Variants in TUB observed in about 807,000 individuals in gnomAD.
The protein encoded by TUB is tubby protein homolog.
TUB carries 33 observed loss-of-function variants against 59.7 expected under a neutral mutation model. The ratio of observed to expected loss-of-function variants is 0.55; its 90% CI spans 0.42 to 0.74. TUB has a LOEUF of 0.74. TUB is among the 30% of genes least tolerant of loss of function. The probability of loss-of-function intolerance (pLI) is 0.00; values close to 1 mark genes in which losing one functional copy is unlikely to be tolerated. For synonymous variants in TUB, 293 were observed against 256.4 expected, an observed-to-expected ratio of 1.14 and a Z score of -1.36; for missense variants, 659 against 672.0, an observed-to-expected ratio of 0.98 and a Z score of 0.21.
At chr11:8,089,805 C>A in intron 2 of TUB, 144 bp downstream of exon 2, 1 of 1,211,526 alleles carries the variant, frequency 8.3e-7, no homozygotes. Flanking sequence ...GGTGCACTCT[C>A]TCCCAGCTCA....
At chr11:8,052,569 A>G (rs188142963) in intron 2 of TUB, among the ~76,000 whole-genome samples, 359 of 141,248 alleles carry the variant, frequency 2.5e-3, no homozygotes, top group African/African-American at 8.5e-3. Flanking sequence ...TCCTGGGTTC[A>G]TGCCATTCTC....
chr11:8,075,993 T>C (rs1943442529), intron 2 of TUB: 1 of 152,222 alleles, frequency 6.6e-6, no homozygotes, highest in South Asian at 2.1e-4. Flanking sequence ...AGTCTCACCC[T>C]GCACCTCCCT....
At chr11:8,099,228 G>T (rs553290591) in intron 9 of TUB, among the ~76,000 whole-genome samples, 179 of 152,174 alleles carry the variant, frequency 1.2e-3, no homozygotes, top group African/African-American at 4.2e-3. Flanking sequence ...TGGATTACAC[G>T]GCACTTTGTC....
At chr11:8,072,149 G>A (rs1460061862) in intron 2 of TUB, among the ~76,000 whole-genome samples, 2 of 152,198 alleles carry the variant, frequency 1.3e-5, no homozygotes, top group Non-Finnish European at 2.9e-5. Flanking sequence ...ACACAGTGAT[G>A]CAAAGGACGC....
At chr11:8,075,076 T>C (rs1238479836) in intron 2 of TUB, among the ~76,000 whole-genome samples, 1 of 150,464 alleles carries the variant, frequency 6.6e-6, no homozygotes, top group Non-Finnish European at 1.5e-5. Flanking sequence ...AAATTCCCCA[T>C]AAAGGATGCT....
chr11:8,098,768 A>G lies in TUB; in HGVS notation c.1009A>G (p.Met337Val), dbSNP rs772407631. 1.9e-6 allele frequency: 3 copies of G among 1,613,298 alleles called. No individual in the cohort carries two copies. The East Asian group carries it at 6.7e-5, about 36-fold the overall frequency. ...GTGCCTTTATTTCAGGTCCAACTTG[A>G]TGGGCACCAAGTTCACTGTTTATGA... is the stretch of plus-strand genomic sequence containing the variant. ...SYIGKLRSNL[M>V]GTKFTVYDNG... The change falls in exon 9 of 12, where the codon ATG becomes GTG. Residue 337 changes from methionine to valine, a missense_variant. By Grantham distance (21) the Met-to-Val change is conservative. Transcript: ENST00000299506.
chr11:8,048,343 GA>G (rs1248852267), intron 2 of TUB, among the ~76,000 whole-genome samples: 3 of 152,288 alleles, frequency 2.0e-5, no homozygotes, highest in African/African-American at 7.2e-5. Context: ...TTTTAATTTA[GA>G]GTGTCCACAA....
exon 1 of TUB, chr11:8,019,262 C>T: frequency 8.0e-7 from 1 of 1,245,512 alleles, no homozygotes; most frequent in Non-Finnish European, 1.0e-6. Flanking sequence ...AGCCCAGCGC[C>T]GCCGCCGCCC....
chr11:8,054,973 TCCTA>T (rs1942995150), intron 2 of TUB, among the ~76,000 whole-genome samples: 2 of 152,080 alleles, frequency 1.3e-5, no homozygotes, highest in South Asian at 4.1e-4. Flanking sequence ...GGCTGGCCCG[TCCTA>T]GAGTCACTCT....
chr11:8,042,741 C>T (rs1307177897), intron 2 of TUB, among the ~76,000 whole-genome samples: 1 of 152,116 alleles, frequency 6.6e-6, no homozygotes, highest in Non-Finnish European at 1.5e-5. Context: ...GTATATCTTC[C>T]TTGGAAAAAT....
intron 2 of TUB, among the ~76,000 whole-genome samples, chr11:8,043,778 T>C (rs955172907): frequency 2.0e-4 from 31 of 152,214 alleles, no homozygotes; most frequent in African/African-American, 7.2e-4. Flanking sequence ...CTTGCTGAAC[T>C]TGTTTATTAG....
intron 1 of TUB, among the ~76,000 whole-genome samples, chr11:8,084,360 T>C (rs1320608916): frequency 6.6e-6 from 1 of 152,230 alleles, no homozygotes; most frequent in Non-Finnish European, 1.5e-5. Context: ...GTTTAACAAT[T>C]GGAATGTTTT....
intron 1 of TUB, among the ~76,000 whole-genome samples, chr11:8,087,826 T>C (rs1411026049): frequency 1.3e-5 from 2 of 152,232 alleles, no homozygotes; most frequent in Non-Finnish European, 2.9e-5. Flanking sequence ...TTTTGCGCTC[T>C]GGTCCTGAAC....
chr11:8,073,588 G>GAAA (rs1589950821), intron 2 of TUB, among the ~76,000 whole-genome samples: 1 of 152,152 alleles, frequency 6.6e-6, no homozygotes, highest in African/African-American at 2.4e-5. Context: ...ATGAATAAAT[G>GAAA]AAAGCTCTCT....
upstream of TUB, among the ~76,000 whole-genome samples, chr11:8,036,670 A>G (rs1258771317): frequency 6.6e-6 from 1 of 152,186 alleles, no homozygotes; most frequent in East Asian, 1.9e-4. Flanking sequence ...AGGTTTCATA[A>G]TCACCATCCA....
rs1023401593 is a variant in TUB at position 8,100,921 on chromosome 11, G to A, written c.1311G>A (p.Gln437=). 3.1e-6 allele frequency: 5 copies of A among 1,614,026 alleles called. No individual in the cohort carries two copies. The highest frequency in any genetic ancestry group is 4.5e-5 in the East Asian group (2 of 44,888). The change falls in exon 11 of 12, where the codon CAG becomes CAA. Residue 437 remains glutamine, a synonymous_variant. Coordinates refer to ENST00000299506, the MANE Select transcript of TUB (RefSeq NM_177972.3). The part of the protein sequence containing the change: ...NKTPVWNDDT[Q]SYVLNFHGRV... ...CACCTGTCTGGAATGATGACACACA[G>A]TCCTATGTACTCAACTTCCATGGGC...
At chr11:8,061,051 G>A (rs969228399) in intron 2 of TUB, among the ~76,000 whole-genome samples, 7 of 152,222 alleles carry the variant, frequency 4.6e-5, no homozygotes, top group African/African-American at 1.7e-4. Flanking sequence ...GTGCCCCATG[G>A]TGGGGCCTGT....
chr11:8,082,341 C>A (rs1289070534), intron 1 of TUB, among the ~76,000 whole-genome samples: 1 of 152,236 alleles, frequency 6.6e-6, no homozygotes, highest in Non-Finnish European at 1.5e-5. Context: ...TCAAGGATGG[C>A]TGGGCTTTCC....
intron 2 of TUB, among the ~76,000 whole-genome samples, chr11:8,052,467 T>C (rs1348402005): frequency 1.7e-4 from 1 of 6,028 alleles, no homozygotes; most frequent in African/African-American, 9.3e-4. Flanking sequence ...AATAGGACCT[T>C]TTTTTTTTTT....
Sources: allele counts gnomAD v4.1 joint callset (sites outside exome capture counted in the v4.1 genomes callset), GRCh38; gene constraint gnomAD v4.1.1; transcripts MANE v1.5; gene names NCBI Gene and HGNC (gene_info 2026-07-23, HGNC 2026-07-21).